The following MAML3 variants were observed in gnomAD, a reference collection of about 807,000 sequenced individuals.
MAML3 encodes the protein mastermind-like protein 3.
Under a neutral mutation model 101.9 loss-of-function variants are expected in MAML3, and 27 were observed. The ratio of observed to expected loss-of-function variants is 0.27; its 90% CI spans 0.20 to 0.37. The LOEUF is 0.37. Among genes scored for constraint, MAML3 ranks in the 10% least tolerant of loss-of-function variants. MAML3 has a pLI of 1.00. For synonymous variants in MAML3, 501 were observed against 555.9 expected (o/e 0.90, Z 1.39); for missense variants, 1,316 against 1,444.9 (o/e 0.91, Z 1.45).
chr4:140,135,962 G>A lies in MAML3; in HGVS notation c.468+16898C>T, dbSNP rs182333918. On this transcript the variant is annotated intron_variant, in intron 1 of 4. Transcript: ENST00000509479. The stretch of plus-strand genomic sequence containing the variant: ...GCCTTTTTTCATAACAAAGAGTAAT[G>A]AGCACCAAACCACATAATATTTATT... Among the ~76,000 whole-genome samples, 740 of 152,216 alleles carry A rather than the reference G, an allele frequency of 4.9e-3. 6 individuals are homozygous for A. The highest frequency in any genetic ancestry group is 4.4e-3 in the Admixed American group (68 of 15,284).
intron 2 of MAML3, among the ~76,000 whole-genome samples, chr4:139,875,421 G>A (rs746812428): frequency 4.6e-5 from 7 of 152,106 alleles, no homozygotes; most frequent in Admixed American, 2.0e-4. Flanking sequence ...TCACTAGACC[G>A]CCAATTTAAC....
At chr4:140,134,081 G>T (rs1319563988) in intron 1 of MAML3, 1 of 456,366 alleles carries the variant, frequency 2.2e-6, no homozygotes, top group Non-Finnish European at 4.4e-6. Context: ...AAACCTCCAG[G>T]ACTGGCTATC....
chr4:139,832,296 T>TAG (rs141741677), intron 2 of MAML3, among the ~76,000 whole-genome samples: 15,959 of 149,944 alleles, frequency 0.11, 2,018 homozygotes, highest in African/African-American at 0.31. Flanking sequence ...TTATTTTTAG[T>TAG]AGACAGGGTT....
At chr4:139,986,870 C>T (rs1207746567) in intron 1 of MAML3, among the ~76,000 whole-genome samples, 1 of 152,192 alleles carries the variant, frequency 6.6e-6, no homozygotes, top group African/African-American at 2.4e-5. Flanking sequence ...TGATAGGTCT[C>T]AGGAGATGAG....
At chr4:139,961,706 G>A (rs1352167154) in intron 1 of MAML3, among the ~76,000 whole-genome samples, 2 of 152,168 alleles carry the variant, frequency 1.3e-5, no homozygotes, top group Non-Finnish European at 2.9e-5. Flanking sequence ...TTTGTTAAAG[G>A]AAATGCCCAT....
intron 2 of MAML3, among the ~76,000 whole-genome samples, chr4:139,797,499 C>T (rs1485546441): frequency 1.3e-5 from 2 of 151,562 alleles, no homozygotes; most frequent in African/African-American, 4.9e-5. Context: ...GAGTAAGAGG[C>T]TTAATCCAAA....
At chr4:140,140,512 T>C (rs956726251) in intron 1 of MAML3, among the ~76,000 whole-genome samples, 1 of 152,028 alleles carries the variant, frequency 6.6e-6, no homozygotes, top group Admixed American at 6.6e-5. Flanking sequence ...TTCCTAAAGC[T>C]TACAGTGAGC....
chr4:139,899,711 T>G (rs970679735), intron 1 of MAML3, among the ~76,000 whole-genome samples: 3 of 152,240 alleles, frequency 2.0e-5, no homozygotes, highest in Non-Finnish European at 4.4e-5. Context: ...CTTGGTAATC[T>G]TATAGACTCC....
In MAML3 at chr4:139,861,979, G is replaced by A. The variant is rs186943616; in HGVS notation, c.2079+27378C>T. Among the ~76,000 whole-genome samples, 13 of 152,134 alleles carry A rather than the reference G, an allele frequency of 8.5e-5. No individual in the cohort carries two copies. The East Asian group carries it at 2.5e-3, about 29-fold the overall frequency. ...ATCCCAGCACTTTGGGAGGCTGAGG[G>A]GGGTGGACCACCTGAGGTCAGGAGT... On this transcript the variant is annotated intron_variant, in intron 2 of 4. Coordinates refer to ENST00000509479, the MANE Select transcript of MAML3 (RefSeq NM_018717.5).
chr4:140,151,264 G>C (rs1172782820), intron 1 of MAML3, among the ~76,000 whole-genome samples: 1 of 152,054 alleles, frequency 6.6e-6, no homozygotes, highest in African/African-American at 2.4e-5. Flanking sequence ...GGCGGGACTG[G>C]GCAGGATCGC....
chr4:139,995,622 G>T (rs1734794043), intron 1 of MAML3, among the ~76,000 whole-genome samples: 1 of 152,068 alleles, frequency 6.6e-6, no homozygotes. Flanking sequence ...TTGGTGTGAG[G>T]TTGCTCACAA....
At chr4:139,827,810 G>A (rs1731091329) in intron 2 of MAML3, among the ~76,000 whole-genome samples, 1 of 152,198 alleles carries the variant, frequency 6.6e-6, no homozygotes, top group African/African-American at 2.4e-5. Flanking sequence ...TGAGGATGAT[G>A]ACTGCTGATA....
intron 1 of MAML3, among the ~76,000 whole-genome samples, chr4:140,105,998 CCTCA>C (rs1176355977): frequency 1.3e-5 from 2 of 151,938 alleles, no homozygotes; most frequent in African/African-American, 4.8e-5. Flanking sequence ...GTTTAGGACT[CCTCA>C]CTAATAATTC....
chr4:139,815,076 CTA>C (rs1341483095), intron 2 of MAML3, among the ~76,000 whole-genome samples: 1 of 152,140 alleles, frequency 6.6e-6, no homozygotes, highest in Non-Finnish European at 1.5e-5. Flanking sequence ...GAGCCAAAAC[CTA>C]ATTTTGATGA....
intron 2 of MAML3, among the ~76,000 whole-genome samples, chr4:139,793,210 T>G (rs1027845699): frequency 1.2e-4 from 19 of 152,276 alleles, no homozygotes; most frequent in African/African-American, 4.3e-4. Flanking sequence ...TACCTTAAAT[T>G]TAGAGTTACA....
At chr4:140,015,289 C>A (rs924742699) in intron 1 of MAML3, among the ~76,000 whole-genome samples, 17 of 152,236 alleles carry the variant, frequency 1.1e-4, no homozygotes, top group African/African-American at 4.1e-4. Flanking sequence ...AATTTAAAAT[C>A]ATGAAACATC....
intron 1 of MAML3, among the ~76,000 whole-genome samples, chr4:139,972,744 TAA>T (rs963577287): frequency 6.6e-5 from 10 of 152,354 alleles, no homozygotes; most frequent in African/African-American, 9.6e-5. Flanking sequence ...ATACCTCAAT[TAA>T]AAGTTTTAAA....
At chr4:139,960,888 GC>G (rs774927279) in intron 1 of MAML3, among the ~76,000 whole-genome samples, 41 of 152,254 alleles carry the variant, frequency 2.7e-4, no homozygotes, top group Admixed American at 2.0e-4. Context: ...ATGTTCTTTA[GC>G]CCAAGTCCTT....
intron 1 of MAML3, among the ~76,000 whole-genome samples, chr4:140,021,449 C>T (rs79898515): frequency 3.9e-5 from 6 of 152,276 alleles, no homozygotes; most frequent in East Asian, 1.9e-4. Context: ...TTTGGATACA[C>T]TATTCTAATC....
Sources: gnomAD v4.1 joint callset for allele counts (sites outside exome capture counted in the v4.1 genomes callset) on GRCh38, gnomAD v4.1.1 for gene constraint, MANE v1.5 for transcripts, NCBI Gene and HGNC (gene_info 2026-07-23, HGNC 2026-07-21) for gene names.